The following IKBKE variants were observed in gnomAD, a reference collection of about 807,000 sequenced individuals.
IKBKE encodes the protein inhibitor of nuclear factor kappa B kinase subunit epsilon.
IKBKE carries 45 observed loss-of-function variants against 92.1 expected under a neutral mutation model. The observed-to-expected ratio is 0.49, with a 90% CI of 0.38 to 0.63. The LOEUF is 0.63. IKBKE is among the 20% of genes least tolerant of loss of function. The pLI is 0.00. For missense variants in IKBKE, 700 were observed against 932.8 expected, an observed-to-expected ratio of 0.75 and a Z score of 3.25; for synonymous variants, 374 against 380.3, an observed-to-expected ratio of 0.98 and a Z score of 0.19.
chr1:206,474,688 G>C, intron 4 of IKBKE, 177 bp from the exon 5 acceptor site: 1 of 835,418 alleles, frequency 1.2e-6, no homozygotes, highest in Non-Finnish European at 1.8e-6. Context: ...GGGCTTCCTG[G>C]AATAACTGAC....
chr1:206,474,224 G>T, intron 3 of IKBKE, 107 bp from the exon 4 acceptor site: 1 of 1,107,834 alleles, frequency 9.0e-7, no homozygotes, highest in Non-Finnish European at 1.3e-6. Context: ...GGGTTGGGCT[G>T]GCCGGAGAGG....
Position 206,476,931 on chromosome 1 carries a change from A to T in IKBKE, c.701+93A>T. On this transcript the variant is annotated intron_variant, in intron 7 of 21. Coordinates refer to ENST00000581977, the MANE Select transcript of IKBKE (RefSeq NM_014002.4). The surrounding 1 kb of genome is among the most constrained non-coding windows in gnomAD (Gnocchi z 5.1). ...TTGCTGTGTCTTCTGGTCCCCTCAC[A>T]CTCCATGGCCCTCCTCTGGTCCACC... The T allele has an allele frequency of 7.2e-7, 1 of 1,384,862 alleles. No individual in the cohort carries two copies. Among genetic ancestry groups the T allele is most frequent in the South Asian group, 1.3e-5 (1 of 79,220 alleles). 85.8% of individuals were successfully genotyped at this position (1,384,862 alleles called of 1,614,324 possible). A position where few individuals can be genotyped will look rare whatever the true frequency, so the allele number is the denominator to read the frequency against.
intron 21 of IKBKE, 74 bp downstream of exon 21, chr1:206,494,065 C>T: frequency 8.2e-7 from 1 of 1,222,790 alleles, no homozygotes; most frequent in Non-Finnish European, 1.2e-6. Context: ...GTGAAGAGTC[C>T]CCAAGCCTGC....
Position 206,485,376 on chromosome 1 carries a change from T to C in IKBKE, c.1616+70T>C, listed in dbSNP as rs182992579. The C allele has an allele frequency of 1.0e-3, 939 of 897,356 alleles. 5 individuals are homozygous for C. The highest frequency in any genetic ancestry group is 9.5e-3 in the Middle Eastern group (44 of 4,636). The allele number at this position is 897,356 out of a possible 1,614,324, so 55.6% of individuals were successfully genotyped here. On this transcript the variant is annotated intron_variant, in intron 15 of 21. Transcript: ENST00000581977. This position sits in a 1 kb window ranked among gnomAD's most constrained non-coding sequence, Gnocchi z 5.0. ...GGCAGCTCCAAAGGTCCAGTAACCTTTAGCCTTTTAGACGTCAGCTTGCAT... is the reference window on the plus strand; with the variant it reads ...GGCAGCTCCAAAGGTCCAGTAACCTCTAGCCTTTTAGACGTCAGCTTGCAT...
At position 206,490,774 on chromosome 1, in the gene IKBKE, T is replaced by C. The variant is rs782706236; in HGVS notation, c.1694-45T>C. ...TCGACCTTTGCTGCACACTGTTTCG[T>C]TGACTGATTGAATAGGTGACATCTG... On this transcript the variant is annotated intron_variant, in intron 16 of 21. Coordinates refer to ENST00000581977, the MANE Select transcript of IKBKE (RefSeq NM_014002.4). This position sits in a 1 kb window ranked among gnomAD's most constrained non-coding sequence, Gnocchi z 5.2. The C allele has an allele frequency of 2.5e-6, 4 of 1,599,476 alleles. No homozygotes were observed. The highest frequency in any genetic ancestry group is 3.4e-6 in the Non-Finnish European group (4 of 1,166,678).
intron 3 of IKBKE, among the ~76,000 whole-genome samples, chr1:206,473,750 T>A (rs1553384440): frequency 6.6e-6 from 1 of 151,738 alleles, no homozygotes; most frequent in African/African-American, 2.4e-5. Flanking sequence ...GATCACGAGG[T>A]CAGGAGATCG....
chr1:206,480,529 G>C lies in IKBKE; in HGVS notation c.1423G>C (p.Glu475Gln). 6.2e-7 allele frequency: 1 copy of C among 1,612,620 alleles called. No homozygotes were observed. The highest frequency in any genetic ancestry group is 8.5e-7 in the Non-Finnish European group (1 of 1,179,044). The change falls in exon 13 of 22, where the codon GAG becomes CAG. Residue 475 changes from glutamate (E) to glutamine (Q), a missense_variant. Physicochemically the swap from Glu to Gln is conservative, Grantham distance 29 (BLOSUM62 2). Transcript: ENST00000581977. ...CTACCTCAGCAGCAGCCTGGGAACT[G>C]AGAGGTGGGTGTTCGCCTCAGGCCA... ...LLYLSSSLGT[E>Q]RFSSVAGTPE... is the part of the protein sequence containing the mutation.
intron 2 of IKBKE, chr1:206,472,918 G>C: frequency 4.9e-6 from 2 of 407,216 alleles, no homozygotes; most frequent in Non-Finnish European, 8.8e-6. Context: ...CTCAGGAGGG[G>C]CTTCAAGGGA....
At chr1:206,491,582 G>A (rs1488540906) in intron 17 of IKBKE, 66 bp from the exon 18 acceptor site, 4 of 1,125,518 alleles carry the variant, frequency 3.6e-6, no homozygotes, top group Admixed American at 1.7e-5. Context: ...CGGAGACTGA[G>A]GGATGGTGGG....
rs1665205807 is a variant in IKBKE at position 206,478,713 on chromosome 1, G to A, written c.993-230G>A. On this transcript the variant is annotated intron_variant, in intron 9 of 21. Transcript: ENST00000581977. This position sits in a 1 kb window ranked among gnomAD's most constrained non-coding sequence, Gnocchi z 4.8. ...GGAAGAGGTGCAGAGGCAAAGGCTG[G>A]GTATTAGGACTCCTGGGACCTGTTC... Among the ~76,000 whole-genome samples the A allele has an allele frequency of 6.6e-6, 1 of 152,024 alleles. No individual in the cohort carries two copies.
chr1:206,481,261 G>T (rs1302486916), intron 13 of IKBKE, among the ~76,000 whole-genome samples: 1 of 152,220 alleles, frequency 6.6e-6, no homozygotes, highest in Admixed American at 6.5e-5. Flanking sequence ...GATGCCACTG[G>T]TGACAGGAGT....
In IKBKE at chr1:206,494,022, G is replaced by A. The variant is rs574956482; in HGVS notation, c.2117+31G>A. The A allele has an allele frequency of 1.0e-5, 16 of 1,600,004 alleles. 1 individual carries two copies. In the South Asian group the frequency reaches 1.5e-4, roughly 15 times the overall value. On this transcript the variant is annotated intron_variant, in intron 21 of 21. Transcript: ENST00000581977. ...GAGCTTTCACCTTGTGTAGGTCAGG[G>A]CCGGGTCTTCAAGCTACCCTTGCCT...
intron 4 of IKBKE, 109 bp downstream of exon 4, chr1:206,474,580 A>T: frequency 8.4e-7 from 1 of 1,184,018 alleles, no homozygotes; most frequent in Non-Finnish European, 1.2e-6. Flanking sequence ...TCAGCAGGTC[A>T]GAGACAGCAG....
chr1:206,471,335 C>G (rs1177755048), intron 2 of IKBKE, 90 bp downstream of exon 2: 1 of 152,422 alleles, frequency 6.6e-6, no homozygotes, highest in Non-Finnish European at 1.5e-5. Flanking sequence ...CTGTCCACTG[C>G]TCATTCATCC....
chr1:206,484,141 TTG>T (rs1665537733), intron 13 of IKBKE, among the ~76,000 whole-genome samples: 5 of 151,056 alleles, frequency 3.3e-5, no homozygotes, highest in Non-Finnish European at 5.9e-5. Flanking sequence ...TTGTATTGTA[TTG>T]TATTGTATTG....
intron 2 of IKBKE, among the ~76,000 whole-genome samples, chr1:206,472,200 A>G (rs35417888): frequency 0.21 from 31,339 of 152,146 alleles, 3,833 homozygotes; most frequent in Non-Finnish European, 0.28. Context: ...GCAGTGAGTC[A>G]TGATTGTACC....
At position 206,489,386 on chromosome 1, in the gene IKBKE, TATATATATATATATACACAC is replaced by T. The variant is rs1665829718; in HGVS notation, c.1693+1398_1694-1412del. On this transcript the variant is annotated intron_variant, in intron 16 of 21. Coordinates refer to ENST00000581977, the MANE Select transcript of IKBKE (RefSeq NM_014002.4). ...GTGTGTGTGTATATATATATATATA[TATATATATATATATACACAC>T]ACACACATACATGGAGCTGTGTGCA... Among the ~76,000 whole-genome samples, 3 of 143,924 alleles carry T rather than the reference TATATATATATATATACACAC, an allele frequency of 2.1e-5. No homozygotes were observed. In the Admixed American group the frequency reaches 2.1e-4, roughly 10 times the overall value. The allele number at this position is 143,924 out of a possible 152,430, so 94.4% of individuals were successfully genotyped here.
Position 206,487,238 on chromosome 1 carries a change from C to A in IKBKE, c.1617-676C>A, listed in dbSNP as rs1665713415. 6.6e-6 allele frequency among the ~76,000 whole-genome samples: 1 copy of A among 152,122 alleles called. No individual in the cohort carries two copies. Among genetic ancestry groups the A allele is most frequent in the Non-Finnish European group, 1.5e-5 (1 of 68,022 alleles). On this transcript the variant is annotated intron_variant, in intron 15 of 21. Transcript: ENST00000581977. The surrounding 1 kb of genome is among the most constrained non-coding windows in gnomAD (Gnocchi z 5.3). The stretch of plus-strand genomic sequence containing the variant: ...GAGGAAGAACTTTTCCCAGACACTC[C>A]CGACTTCTCAAACAAAGTGTTTGTT...
Position 206,476,611 on chromosome 1 carries a change from G to C in IKBKE, c.541-67G>C. On this transcript the variant is annotated intron_variant, in intron 6 of 21. Coordinates refer to ENST00000581977, the MANE Select transcript of IKBKE (RefSeq NM_014002.4). The surrounding 1 kb of genome is among the most constrained non-coding windows in gnomAD (Gnocchi z 5.1). ...TTTCACCTGCAGGCGGTGAAAGGGGGTCTGACAGGTCTCAGGCCCTTGCCA... is the reference window on the plus strand; with the variant it reads ...TTTCACCTGCAGGCGGTGAAAGGGGCTCTGACAGGTCTCAGGCCCTTGCCA... The C allele has an allele frequency of 6.3e-7, 1 of 1,580,238 alleles. No individual in the cohort carries two copies. The highest frequency in any genetic ancestry group is 8.7e-7 in the Non-Finnish European group (1 of 1,154,282).
Sources: allele counts gnomAD v4.1 joint callset (sites outside exome capture counted in the v4.1 genomes callset), GRCh38; gene constraint gnomAD v4.1.1; non-coding constraint Gnocchi (gnomAD v3.1); transcripts MANE v1.5; gene names NCBI Gene and HGNC (gene_info 2026-07-23, HGNC 2026-07-21).